Variants in GBE1 observed in about 807,000 individuals in gnomAD.
GBE1 encodes the protein 1,4-alpha-glucan branching enzyme 1.
Under a neutral mutation model 88.8 loss-of-function variants are expected in GBE1, and 70 were observed. The observed-to-expected ratio is 0.79, with a 90% CI of 0.65 to 0.96. The LOEUF is 0.96. Among genes scored for constraint, GBE1 ranks in the 40% least tolerant of loss-of-function variants. The probability of loss-of-function intolerance (pLI) is 0.00; values close to 1 mark genes in which losing one functional copy is unlikely to be tolerated. For missense variants in GBE1, 872 were observed against 871.0 expected, an observed-to-expected ratio of 1.00 and a Z score of -0.01; for synonymous variants, 284 against 300.1, an observed-to-expected ratio of 0.95 and a Z score of 0.56.
chr3:81,580,037 A>T (rs576964301), intron 11 of GBE1, among the ~76,000 whole-genome samples: 1 of 152,176 alleles, frequency 6.6e-6, no homozygotes, highest in Non-Finnish European at 1.5e-5. Context: ...TTTTCTTAAC[A>T]ATTAGAGGAG....
intron 2 of GBE1, among the ~76,000 whole-genome samples, chr3:81,687,053 CAATA>C (rs1705452675): frequency 6.6e-6 from 1 of 152,062 alleles, no homozygotes; most frequent in East Asian, 1.9e-4. Context: ...AGTTCGAAAA[CAATA>C]AATACTCTAC....
intron 12 of GBE1, among the ~76,000 whole-genome samples, chr3:81,570,334 T>A (rs554295636): frequency 6.6e-6 from 1 of 152,314 alleles, no homozygotes; most frequent in East Asian, 1.9e-4. Flanking sequence ...CCAACACAGA[T>A]TCAGAACTCA....
At position 81,590,855 on chromosome 3, in the gene GBE1, T is replaced by C. The variant is rs544876636; in HGVS notation, c.1236+182A>G. ...CAAGTAATTAGTATACATTATCTTCTAATAGGGAAACAGTGAATTCTAAAT... is the reference window on the plus strand; with the variant it reads ...CAAGTAATTAGTATACATTATCTTCCAATAGGGAAACAGTGAATTCTAAAT... On this transcript the variant is annotated intron_variant, in intron 9 of 15. Coordinates refer to ENST00000429644, the MANE Select transcript of GBE1 (RefSeq NM_000158.4). 2.2e-4 allele frequency among the ~76,000 whole-genome samples: 34 copies of C among 152,236 alleles called. 1 individual carries two copies. In the South Asian group the frequency reaches 7.0e-3, roughly 32 times the overall value.
At chr3:81,650,706 C>T (rs1177257693) in intron 3 of GBE1, among the ~76,000 whole-genome samples, 3 of 152,140 alleles carry the variant, frequency 2.0e-5, no homozygotes, top group Non-Finnish European at 2.9e-5. Context: ...CACTCTGTCA[C>T]CCAGGTGGAG....
At chr3:81,544,364 A>C (rs763806053) in intron 12 of GBE1, among the ~76,000 whole-genome samples, 6 of 152,134 alleles carry the variant, frequency 3.9e-5, no homozygotes, top group Non-Finnish European at 7.4e-5. Context: ...CCATCAAAGC[A>C]TGATCGTTCT....
intron 7 of GBE1, 21 bp from the exon 8 acceptor site, chr3:81,594,044 G>T: frequency 8.5e-7 from 1 of 1,175,200 alleles, no homozygotes; most frequent in Non-Finnish European, 1.2e-6. Context: ...AGAGAAATAT[G>T]TATTTAAGCA....
At chr3:81,656,853 G>A (rs894579832) in intron 3 of GBE1, among the ~76,000 whole-genome samples, 3 of 151,948 alleles carry the variant, frequency 2.0e-5, no homozygotes, top group Non-Finnish European at 2.9e-5. Context: ...TGAGAGAAGG[G>A]ACTTTAAAAA....
At chr3:81,640,896 T>C (rs1256797117) in intron 7 of GBE1, among the ~76,000 whole-genome samples, 1 of 151,948 alleles carries the variant, frequency 6.6e-6, no homozygotes, top group Non-Finnish European at 1.5e-5. Context: ...ACCAAAAGCA[T>C]GCACATGAGA....
chr3:81,667,065 T>A (rs1225479177), intron 3 of GBE1, among the ~76,000 whole-genome samples: 1 of 152,238 alleles, frequency 6.6e-6, no homozygotes. Context: ...TATTCTGAAC[T>A]AGAGACAGAA....
In GBE1 at chr3:81,611,028, G is replaced by A. The variant is rs143311045; in HGVS notation, c.993-17005C>T. On this transcript the variant is annotated intron_variant, in intron 7 of 15. Coordinates refer to ENST00000429644, the MANE Select transcript of GBE1 (RefSeq NM_000158.4). ...TTAAAAAAAAAAAGTAATCTTTATAGTACTCTCAATGGAGATTAAGTCAGG... is the reference window on the plus strand; with the variant it reads ...TTAAAAAAAAAAAGTAATCTTTATAATACTCTCAATGGAGATTAAGTCAGG... Among the ~76,000 whole-genome samples the A allele has an allele frequency of 3.5e-3, 530 of 151,396 alleles. 3 individuals are homozygous for A. Among genetic ancestry groups the A allele is most frequent in the Middle Eastern group, 0.02 (6 of 294 alleles).
At chr3:81,492,869 C>T (rs979171517) in intron 15 of GBE1, among the ~76,000 whole-genome samples, 3 of 151,984 alleles carry the variant, frequency 2.0e-5, no homozygotes, top group Admixed American at 6.6e-5. Flanking sequence ...TCCTGAGTAG[C>T]TGGTATTACA....
chr3:81,594,203 C>G (rs1703921491), intron 7 of GBE1, among the ~76,000 whole-genome samples, 180 bp from the exon 8 acceptor site: 1 of 152,076 alleles, frequency 6.6e-6, no homozygotes. Flanking sequence ...TGATGAAACT[C>G]ATTCTAAAAG....
At chr3:81,705,417 T>C (rs1293802263) in intron 2 of GBE1, 27 bp downstream of exon 2, 2 of 1,477,206 alleles carry the variant, frequency 1.4e-6, no homozygotes, top group South Asian at 2.7e-5. Context: ...GATATTACTA[T>C]TTAGTTCAAT....
chr3:81,635,080 T>C (rs960106468), intron 7 of GBE1, among the ~76,000 whole-genome samples: 2 of 152,172 alleles, frequency 1.3e-5, no homozygotes, highest in Non-Finnish European at 2.9e-5. Flanking sequence ...TTTTGTTTCC[T>C]AACGTGCTAT....
At chr3:81,509,786 A>G (rs1702701092) in intron 14 of GBE1, 1 of 151,972 alleles carries the variant, frequency 6.6e-6, no homozygotes, top group Non-Finnish European at 1.5e-5. Flanking sequence ...AACATGTAAG[A>G]TCTGTATAAA....
At chr3:81,534,835 T>C (rs1457522312) in intron 14 of GBE1, 1 of 165,098 alleles carries the variant, frequency 6.1e-6, no homozygotes, top group African/African-American at 2.4e-5. Flanking sequence ...CCAGAGCCTC[T>C]GCTATTATCT....
At chr3:81,614,765 A>C (rs1182580143) in intron 7 of GBE1, among the ~76,000 whole-genome samples, 4 of 152,162 alleles carry the variant, frequency 2.6e-5, no homozygotes, top group Non-Finnish European at 4.4e-5. Flanking sequence ...AGGCTGAGGC[A>C]GGAGAATCGC....
intron 7 of GBE1, among the ~76,000 whole-genome samples, chr3:81,629,817 T>C (rs576903618): frequency 5.3e-5 from 8 of 152,122 alleles, no homozygotes; most frequent in Non-Finnish European, 7.4e-5. Flanking sequence ...CTGCACCCAT[T>C]AACTTGTCAT....
At chr3:81,697,301 CTT>C (rs774202162) in intron 2 of GBE1, among the ~76,000 whole-genome samples, 28 of 141,278 alleles carry the variant, frequency 2.0e-4, no homozygotes, top group Admixed American at 2.1e-4. Flanking sequence ...CAGACAACAT[CTT>C]TTTTTTTTTT....
Sources: allele counts gnomAD v4.1 joint callset (sites outside exome capture counted in the v4.1 genomes callset), GRCh38; gene constraint gnomAD v4.1.1; transcripts MANE v1.5; gene names NCBI Gene and HGNC (gene_info 2026-07-23, HGNC 2026-07-21).